Variants in PLAAT1 observed in about 807,000 individuals in gnomAD.
PLAAT1 encodes H-REV107 protein-related protein.
PLAAT1 carries 13 observed loss-of-function variants against 16.4 expected under a neutral mutation model. That is an observed-to-expected ratio of 0.79 (90% CI 0.52 to 1.26). PLAAT1 has a LOEUF of 1.26. Ranked by LOEUF, PLAAT1 falls within the 50% of genes most tolerant of loss-of-function variation. The pLI is 0.00. For missense variants in PLAAT1, 218 were observed against 207.8 expected (o/e 1.05, Z -0.30); for synonymous variants, 73 against 78.4 (o/e 0.93, Z 0.36).
intron 2 of PLAAT1, among the ~76,000 whole-genome samples, chr3:193,256,721 G>C (rs1716389957): frequency 6.6e-6 from 1 of 152,126 alleles, no homozygotes. Context: ...CCTTAAAAGG[G>C]TTCGTATCCT....
chr3:193,241,309 G>T lies in PLAAT1; in HGVS notation c.-225G>T. 3 of 1,231,102 alleles carry T rather than the reference G, an allele frequency of 2.4e-6. No individual in the cohort carries two copies. The highest frequency in any genetic ancestry group is 3.0e-6 in the Non-Finnish European group (3 of 987,554). The allele number at this position is 1,231,102 out of a possible 1,614,324, so 76.3% of individuals were successfully genotyped here. A position where few individuals can be genotyped will look rare whatever the true frequency, so the allele number is the denominator to read the frequency against. ...CGTGCGGGCGTCTCAGAGCCGCGGA[G>T]GGGCCGCCGGGACCGTTTCAGCGTG... On this transcript the variant is annotated 5_prime_UTR_variant, in exon 1 of 4. In the 5' UTR this introduces an upstream ATG that the reference lacks. Transcript: ENST00000264735.
At chr3:193,263,586 T>A (rs924122444) in intron 3 of PLAAT1, among the ~76,000 whole-genome samples, 11 of 152,236 alleles carry the variant, frequency 7.2e-5, no homozygotes, top group Non-Finnish European at 1.6e-4. Context: ...GATGTTGAGC[T>A]TTTTGAATGG....
Position 193,241,451 on chromosome 3 carries a change from C to T in PLAAT1, c.-83C>T. On this transcript the variant is annotated 5_prime_UTR_variant, in exon 1 of 4. Coordinates refer to ENST00000264735, the MANE Select transcript of PLAAT1 (RefSeq NM_020386.5). ...GTCCCGCGGCCGCCGGCGGCAAGGTCGGCAGCTGCGAGGCCAAGAGAGACC... is the reference window on the plus strand; with the variant it reads ...GTCCCGCGGCCGCCGGCGGCAAGGTTGGCAGCTGCGAGGCCAAGAGAGACC... The T allele has an allele frequency of 8.1e-7, 1 of 1,231,828 alleles. No individual in the cohort carries two copies. The highest frequency in any genetic ancestry group is 4.1e-5 in the South Asian group (1 of 24,324). The allele number at this position is 1,231,828 out of a possible 1,614,324, so 76.3% of individuals were successfully genotyped here.
intron 3 of PLAAT1, among the ~76,000 whole-genome samples, chr3:193,268,626 A>G (rs913969544): frequency 9.2e-5 from 14 of 152,354 alleles, no homozygotes; most frequent in African/African-American, 2.6e-4. Context: ...GGTTGTCCCA[A>G]TTACATGAGA....
intron 2 of PLAAT1, among the ~76,000 whole-genome samples, chr3:193,256,426 C>T (rs1456103195): frequency 6.6e-6 from 1 of 152,108 alleles, no homozygotes; most frequent in Non-Finnish European, 1.5e-5. Context: ...CAGATGCTCT[C>T]TAGAGATATA....
intron 2 of PLAAT1, chr3:193,277,536 C>G (rs1717276898): frequency 6.6e-6 from 1 of 152,212 alleles, no homozygotes; most frequent in Admixed American, 6.5e-5. Context: ...GAGAACAAAA[C>G]TCACTGACCC....
downstream of PLAAT1, chr3:193,275,127 C>A: frequency 6.2e-7 from 1 of 1,614,186 alleles, no homozygotes; most frequent in Non-Finnish European, 8.5e-7. Context: ...GCTTTCATAG[C>A]CTCCGTTGAT....
chr3:193,277,059 G>A (rs916781120), intron 2 of PLAAT1, among the ~76,000 whole-genome samples: 1 of 152,146 alleles, frequency 6.6e-6, no homozygotes, highest in African/African-American at 2.4e-5. Context: ...ACCTTTGACA[G>A]CCTCATGGTG....
intron 3 of PLAAT1, among the ~76,000 whole-genome samples, chr3:193,264,323 C>T (rs1716697777): frequency 2.0e-5 from 3 of 152,136 alleles, no homozygotes; most frequent in South Asian, 4.1e-4. Context: ...TTTTCAAAAT[C>T]CTACTTATCC....
chr3:193,241,080 G>C (rs1380586703), upstream of PLAAT1: 1 of 651,216 alleles, frequency 1.5e-6, no homozygotes, highest in African/African-American at 1.9e-5. Context: ...TGCGCGCGCG[G>C]AGGCGGCTGC....
At chr3:193,281,404 A>C (rs1004314173), downstream of PLAAT1, among the ~76,000 whole-genome samples, 1 of 152,214 alleles carries the variant, frequency 6.6e-6, no homozygotes, top group Non-Finnish European at 1.5e-5. Flanking sequence ...GATTGAAAAG[A>C]TGTAATAAAG....
chr3:193,280,260 G>C (rs1355486068), downstream of PLAAT1, among the ~76,000 whole-genome samples: 7 of 151,956 alleles, frequency 4.6e-5, no homozygotes, highest in Non-Finnish European at 8.8e-5. Context: ...TCACCATATT[G>C]GCCAGGCTGG....
downstream of PLAAT1, among the ~76,000 whole-genome samples, chr3:193,272,993 G>A (rs1717038425): frequency 1.3e-5 from 2 of 152,152 alleles, no homozygotes; most frequent in African/African-American, 4.8e-5. Flanking sequence ...TAACAGTCAG[G>A]AATGGAGTTC....
chr3:193,251,023 G>T (rs558082731), intron 1 of PLAAT1, among the ~76,000 whole-genome samples: 8 of 150,812 alleles, frequency 5.3e-5, no homozygotes, highest in Non-Finnish European at 8.9e-5. Context: ...AGTGCAGTGA[G>T]TGCCTATCTC....
intron 2 of PLAAT1, among the ~76,000 whole-genome samples, chr3:193,257,473 T>A (rs186221134): frequency 6.6e-6 from 1 of 152,102 alleles, no homozygotes; most frequent in Non-Finnish European, 1.5e-5. Flanking sequence ...ATAAAGCAAG[T>A]CTCAATAAAG....
chr3:193,246,454 C>T (rs977620237), intron 1 of PLAAT1, among the ~76,000 whole-genome samples: 35 of 152,022 alleles, frequency 2.3e-4, no homozygotes, highest in African/African-American at 7.7e-4. Context: ...AACCTCCACC[C>T]GCATCGAGCT....
intron 1 of PLAAT1, among the ~76,000 whole-genome samples, chr3:193,242,185 G>A (rs1241934422): frequency 6.6e-6 from 1 of 150,782 alleles, no homozygotes; most frequent in African/African-American, 2.4e-5. Flanking sequence ...GCCCAAGACA[G>A]TTCTCCCAGT....
chr3:193,259,673 G>A (rs1173010983), intron 2 of PLAAT1, among the ~76,000 whole-genome samples: 2 of 152,056 alleles, frequency 1.3e-5, no homozygotes, highest in Non-Finnish European at 2.9e-5. Flanking sequence ...AACCAAGAAG[G>A]TGAAAGATCT....
intron 3 of PLAAT1, among the ~76,000 whole-genome samples, chr3:193,263,997 C>G (rs1716686176): frequency 6.6e-6 from 1 of 151,868 alleles, no homozygotes; most frequent in South Asian, 2.1e-4. Context: ...TCCTCTTCAT[C>G]CAAAATACAT....
Sources: gnomAD v4.1 joint callset for allele counts (sites outside exome capture counted in the v4.1 genomes callset) on GRCh38, gnomAD v4.1.1 for gene constraint, MANE v1.5 for transcripts, NCBI Gene and HGNC (gene_info 2026-07-23, HGNC 2026-07-21) for gene names.